The following NF1 variants were observed in gnomAD, a reference collection of about 807,000 sequenced individuals.
The protein encoded by NF1 is neurofibromin 1, also known as neurofibromin.
A neutral mutation model predicts 325.7 loss-of-function variants in NF1; 122 were observed. That is an observed-to-expected ratio of 0.37 (90% CI 0.32 to 0.44). The LOEUF is 0.44. Among genes scored for constraint, NF1 ranks in the 20% least tolerant of loss-of-function variants. NF1 has a pLI of 1.00. For missense variants in NF1, 2,140 were observed against 3,415.4 expected, an observed-to-expected ratio of 0.63 and a Z score of 9.31; for synonymous variants, 1,091 against 1,186.0, an observed-to-expected ratio of 0.92 and a Z score of 1.65.
chr17:31,125,692 T>C (rs1014218552), intron 1 of NF1, among the ~76,000 whole-genome samples: 2 of 151,932 alleles, frequency 1.3e-5, no homozygotes, highest in Non-Finnish European at 2.9e-5. Context: ...GCGAGCACCA[T>C]GCCCAGCTAA....
intron 12 of NF1, among the ~76,000 whole-genome samples, chr17:31,212,161 A>C (rs2066739093): frequency 6.6e-6 from 1 of 151,974 alleles, no homozygotes; most frequent in Admixed American, 6.6e-5. Flanking sequence ...TTTTATTTTG[A>C]AAACTGTTTT....
At position 31,229,476 on chromosome 17, in the gene NF1, C is replaced by T. The variant is rs1426490458; in HGVS notation, c.2850+11C>T. 1 of 1,611,992 alleles carries T rather than the reference C, an allele frequency of 6.2e-7. No individual in the cohort carries two copies. Among genetic ancestry groups the T allele is most frequent in the South Asian group, 1.1e-5 (1 of 90,972 alleles). ...GACTCCCAAGGACAGGTAAAGTGTTCTCTTATTTTTCACCTTTCTCTATGA... is the reference window on the plus strand; with the variant it reads ...GACTCCCAAGGACAGGTAAAGTGTTTTCTTATTTTTCACCTTTCTCTATGA... On this transcript the variant is annotated intron_variant, in intron 21 of 57. Coordinates refer to ENST00000358273, the MANE Select transcript of NF1 (RefSeq NM_001042492.3).
rs768520258 is a variant in NF1 at position 31,235,892 on chromosome 17, A to G, written c.3871-26A>G. ...GTAAAATATATGGAGCAGGTATAAT[A>G]AACTCCTATTCGTGCATTTCTGTAG... On this transcript the variant is annotated intron_variant, in intron 28 of 57. Coordinates refer to ENST00000358273, the MANE Select transcript of NF1 (RefSeq NM_001042492.3). 9.3e-6 allele frequency: 15 copies of G among 1,609,304 alleles called. No homozygotes were observed. In the African/African-American group the frequency reaches 2.0e-4, roughly 22 times the overall value.
chr17:31,335,326 ACTAGATTT>A (rs2069636899), intron 40 of NF1, among the ~76,000 whole-genome samples: 1 of 47,670 alleles, frequency 2.1e-5, no homozygotes, highest in African/African-American at 1.5e-4. Flanking sequence ...TGTGCAAATA[ACTAGATTT>A]TATATATATA....
At chr17:31,357,455 A>G in intron 54 of NF1, 86 bp downstream of exon 54, 2 of 1,030,828 alleles carry the variant, frequency 1.9e-6, no homozygotes, top group Non-Finnish European at 3.1e-6. Context: ...GGTTGCAAAG[A>G]GGGCAAAATG....
At chr17:31,253,045 A>G (rs1296366443) in intron 31 of NF1, 45 bp downstream of exon 31, 1 of 1,495,938 alleles carries the variant, frequency 6.7e-7, no homozygotes, top group South Asian at 1.1e-5. Flanking sequence ...TCAAAGCAAA[A>G]CAAAAATCTT....
rs1167745152 is a variant in NF1, at chr17:31,236,693, C to T, written c.3974+672C>T. On this transcript the variant is annotated intron_variant, in intron 29 of 57. Coordinates refer to ENST00000358273, the MANE Select transcript of NF1 (RefSeq NM_001042492.3). ...CTCAAACTCCTGACCTCAGGTGATCCGCCTGCCCTGGCCTCCAAAAATACT... is the reference window on the plus strand; with the variant it reads ...CTCAAACTCCTGACCTCAGGTGATCTGCCTGCCCTGGCCTCCAAAAATACT... 5.3e-5 allele frequency among the ~76,000 whole-genome samples: 8 copies of T among 151,734 alleles called. No individual in the cohort carries two copies. In the East Asian group the frequency reaches 5.8e-4, roughly 11 times the overall value.
At chr17:31,128,926 C>CA (rs35947890) in intron 1 of NF1, among the ~76,000 whole-genome samples, 77,332 of 140,360 alleles carry the variant, frequency 0.55, 24,089 homozygotes, top group Middle Eastern at 0.76. Flanking sequence ...GACTCCGTCT[C>CA]AAAAAAAAAA....
intron 1 of NF1, among the ~76,000 whole-genome samples, chr17:31,105,376 A>G (rs955947414): frequency 3.3e-5 from 5 of 152,210 alleles, no homozygotes; most frequent in Admixed American, 1.3e-4. Flanking sequence ...TTGAGGTGCA[A>G]ACTTCCAGAT....
intron 36 of NF1, among the ~76,000 whole-genome samples, chr17:31,310,475 A>G (rs970664940): frequency 1.3e-5 from 2 of 152,170 alleles, no homozygotes; most frequent in African/African-American, 4.8e-5. Flanking sequence ...CAACGGCAAA[A>G]TGCTGCTCTG....
At chr17:31,322,622 A>G (rs1382255630) in intron 36 of NF1, among the ~76,000 whole-genome samples, 1 of 151,116 alleles carries the variant, frequency 6.6e-6, no homozygotes. Context: ...CAGGAGTTCA[A>G]ATCCAGCCTG....
chr17:31,159,167 G>A (rs1267109840), intron 3 of NF1, 74 bp downstream of exon 3: 1 of 1,050,294 alleles, frequency 9.5e-7, no homozygotes, highest in African/African-American at 1.6e-5. Flanking sequence ...CCAAAGTACA[G>A]ATGTGGACCA....
chr17:31,345,400 G>C, intron 48 of NF1: 2 of 1,228,362 alleles, frequency 1.6e-6, no homozygotes, highest in Non-Finnish European at 2.2e-6. Context: ...GGCGGCCGGC[G>C]AGTCCCAGTG....
chr17:31,166,944 A>G (rs1292906694), intron 4 of NF1, among the ~76,000 whole-genome samples: 3 of 152,098 alleles, frequency 2.0e-5, no homozygotes, highest in African/African-American at 7.2e-5. Context: ...TTCTGGACCT[A>G]TACATTTAAA....
intron 36 of NF1, among the ~76,000 whole-genome samples, chr17:31,313,011 G>T (rs565164468): frequency 6.6e-6 from 1 of 151,926 alleles, no homozygotes; most frequent in Non-Finnish European, 1.5e-5. Flanking sequence ...ATTAATATAC[G>T]CATGCATGTT....
chr17:31,349,399 AGAGTTTTGC>A, intron 49 of NF1, 148 bp downstream of exon 49: 1 of 766,016 alleles, frequency 1.3e-6, no homozygotes, highest in Middle Eastern at 3.8e-4. Context: ...TACAATTTTG[AGAGTTTTGC>A]CAGAACATTT....
At chr17:31,292,985 C>G (rs1299623038) in intron 36 of NF1, among the ~76,000 whole-genome samples, 1 of 151,656 alleles carries the variant, frequency 6.6e-6, no homozygotes, top group Non-Finnish European at 1.5e-5. Flanking sequence ...TGAGACCAGC[C>G]TGGCCAACAT....
At chr17:31,303,542 C>G (rs1375722978) in intron 36 of NF1, among the ~76,000 whole-genome samples, 8 of 151,952 alleles carry the variant, frequency 5.3e-5, no homozygotes. Flanking sequence ...GTCTTCTTTT[C>G]CTTTTTTTTG....
chr17:31,235,470 A>C, intron 27 of NF1, 141 bp from the exon 28 acceptor site: 1 of 820,540 alleles, frequency 1.2e-6, no homozygotes, highest in Non-Finnish European at 2.1e-6. Flanking sequence ...AAATCTCAGG[A>C]TAAATATTAA....
Sources: gnomAD v4.1 joint callset for allele counts (sites outside exome capture counted in the v4.1 genomes callset) on GRCh38, gnomAD v4.1.1 for gene constraint, MANE v1.5 for transcripts, NCBI Gene and HGNC (gene_info 2026-07-23, HGNC 2026-07-21) for gene names.